PLCL2: variants seen among roughly 807,000 people sequenced by gnomAD.
PLCL2 encodes phospholipase C like 2, also known as inactive phospholipase C-like protein 2.
Under a neutral mutation model 79.6 loss-of-function variants are expected in PLCL2, and 4 were observed. The ratio of observed to expected loss-of-function variants is 0.05; its 90% CI spans 0.02 to 0.11. The LOEUF (loss-of-function observed/expected upper bound fraction) is 0.11. Among genes scored for constraint, PLCL2 ranks in the 10% least tolerant of loss-of-function variants. The pLI is 1.00. For synonymous variants in PLCL2, 484 were observed against 457.7 expected (o/e 1.06, Z -0.73); for missense variants, 895 against 1,291.0 (o/e 0.69, Z 4.70).
intron 3 of PLCL2, among the ~76,000 whole-genome samples, chr3:17,037,363 A>G (rs988219879): frequency 1.2e-4 from 18 of 152,182 alleles, no homozygotes; most frequent in Non-Finnish European, 2.9e-5. Flanking sequence ...CATTTTTGTA[A>G]GTCCATTGGC....
chr3:16,962,723 T>C (rs2063766362), intron 1 of PLCL2, among the ~76,000 whole-genome samples: 1 of 152,302 alleles, frequency 6.6e-6, no homozygotes, highest in African/African-American at 2.4e-5. Context: ...AAGGAATTAC[T>C]AGGGCCTTTC....
At chr3:16,985,080 A>G (rs528612690) in intron 1 of PLCL2, among the ~76,000 whole-genome samples, 3 of 152,232 alleles carry the variant, frequency 2.0e-5, no homozygotes, top group Non-Finnish European at 4.4e-5. Context: ...ATCATTTTCA[A>G]AGAGAATTGT....
At chr3:17,002,354 C>G (rs768600054) in intron 1 of PLCL2, among the ~76,000 whole-genome samples, 17 of 152,072 alleles carry the variant, frequency 1.1e-4, no homozygotes, top group Non-Finnish European at 2.4e-4. Context: ...TCCCCTTTCT[C>G]TCTTTCTGTT....
chr3:17,067,804 G>A (rs1009886366), intron 4 of PLCL2, 152 bp from the exon 5 acceptor site: 4 of 502,298 alleles, frequency 8.0e-6, no homozygotes, highest in African/African-American at 7.9e-5. Context: ...TCAGTGTTTT[G>A]TCCCCATTAT....
In PLCL2 at chr3:17,058,814, C is replaced by A. The variant is rs2064917005; in HGVS notation, c.3095-9142C>A. On this transcript the variant is annotated intron_variant, in intron 4 of 5. Transcript: ENST00000615277. Reference sequence around the variant, plus strand: ...AGAGAGGTGGGAGGAGAACACTGATCTTCTGGAAGTCTAGTGAATGAGGTA... The same window carrying A: ...AGAGAGGTGGGAGGAGAACACTGATATTCTGGAAGTCTAGTGAATGAGGTA... 2.0e-5 allele frequency among the ~76,000 whole-genome samples: 3 copies of A among 152,230 alleles called. No homozygotes were observed. In the South Asian group the frequency reaches 6.2e-4, roughly 32 times the overall value.
intron 1 of PLCL2, among the ~76,000 whole-genome samples, chr3:16,985,038 T>A (rs2064034820): frequency 6.6e-6 from 1 of 152,156 alleles, no homozygotes; most frequent in Non-Finnish European, 1.5e-5. Context: ...CACAAGAAGT[T>A]TCATTCCCTG....
intron 1 of PLCL2, among the ~76,000 whole-genome samples, chr3:16,894,014 G>T (rs905923673): frequency 2.0e-5 from 3 of 152,142 alleles, no homozygotes; most frequent in Admixed American, 2.0e-4. Flanking sequence ...AGCCTCTGTT[G>T]CTTTTGACCA....
intron 3 of PLCL2, among the ~76,000 whole-genome samples, chr3:17,027,641 TC>T (rs2064531595): frequency 6.6e-6 from 1 of 152,222 alleles, no homozygotes; most frequent in South Asian, 2.1e-4. Flanking sequence ...TTTCTCTTTT[TC>T]CTTTCTTTCT....
At chr3:16,957,815 G>T (rs62157521) in intron 1 of PLCL2, among the ~76,000 whole-genome samples, 5,780 of 152,124 alleles carry the variant, frequency 0.038, 358 homozygotes, top group African/African-American at 0.13. Flanking sequence ...ATCTTTGTTG[G>T]TTTAAAGTCT....
chr3:17,027,466 T>A (rs1270392419), intron 3 of PLCL2, among the ~76,000 whole-genome samples: 4 of 152,206 alleles, frequency 2.6e-5, no homozygotes, highest in Non-Finnish European at 4.4e-5. Flanking sequence ...CGACAGAAAC[T>A]AAGCCTAAGC....
chr3:17,068,573 CT>C (rs1161406536), intron 5 of PLCL2, among the ~76,000 whole-genome samples: 1 of 152,102 alleles, frequency 6.6e-6, no homozygotes. Context: ...AAGGGAAATG[CT>C]ATCTGCTATC....
chr3:16,996,046 CA>C lies in PLCL2; in HGVS notation c.328-13627del, dbSNP rs577749311. Among the ~76,000 whole-genome samples the C allele has an allele frequency of 5.1e-4, 77 of 152,270 alleles. No homozygotes were observed. In the South Asian group the frequency reaches 6.8e-3, roughly 14 times the overall value. ...AGGTTAGGACAGAGAATAATATGGG[CA>C]GGGAAATCAGCACTGGCCCCAGAAG... On this transcript the variant is annotated intron_variant, in intron 1 of 5. Transcript: ENST00000615277.
chr3:17,021,256 A>G (rs1456568335), intron 3 of PLCL2, among the ~76,000 whole-genome samples: 1 of 152,180 alleles, frequency 6.6e-6, no homozygotes, highest in Non-Finnish European at 1.5e-5. Context: ...GTTTAATCTG[A>G]TGACTGGAGA....
chr3:16,914,280 A>T (rs1234846117), intron 1 of PLCL2, among the ~76,000 whole-genome samples: 2 of 152,222 alleles, frequency 1.3e-5, no homozygotes, highest in Non-Finnish European at 2.9e-5. Context: ...ATGTGGAGAA[A>T]TATATAGAAC....
chr3:16,959,752 T>C (rs2063738645), intron 1 of PLCL2, among the ~76,000 whole-genome samples: 1 of 152,182 alleles, frequency 6.6e-6, no homozygotes, highest in African/African-American at 2.4e-5. Context: ...TTTAGAACTT[T>C]TTCAACCAGA....
intron 1 of PLCL2, among the ~76,000 whole-genome samples, chr3:16,911,619 T>A (rs1696884310): frequency 6.6e-6 from 1 of 152,208 alleles, no homozygotes; most frequent in Non-Finnish European, 1.5e-5. Context: ...ACTTTTGTCA[T>A]ACAAAGGTGC....
intron 3 of PLCL2, among the ~76,000 whole-genome samples, chr3:17,033,012 G>A (rs1223366483): frequency 6.6e-6 from 1 of 152,080 alleles, no homozygotes; most frequent in Non-Finnish European, 1.5e-5. Flanking sequence ...AATTCAACTA[G>A]CTACCTACAG....
intron 1 of PLCL2, among the ~76,000 whole-genome samples, chr3:16,986,493 C>G (rs187741640): frequency 3.3e-5 from 5 of 152,238 alleles, no homozygotes; most frequent in Admixed American, 2.0e-4. Flanking sequence ...CCCCCACCGC[C>G]TGAGTTCAAG....
At chr3:17,086,894 G>C (rs1251747066) in intron 5 of PLCL2, among the ~76,000 whole-genome samples, 1 of 152,130 alleles carries the variant, frequency 6.6e-6, no homozygotes, top group Non-Finnish European at 1.5e-5. Context: ...TATACAAATG[G>C]AAAGTATATT....
Sources: allele counts gnomAD v4.1 joint callset (sites outside exome capture counted in the v4.1 genomes callset), GRCh38; gene constraint gnomAD v4.1.1; transcripts MANE v1.5; gene names NCBI Gene and HGNC (gene_info 2026-07-23, HGNC 2026-07-21).